PCDH15: variants seen among roughly 807,000 people sequenced by gnomAD.
PCDH15 encodes the protein protocadherin-15.
Under a neutral mutation model 178.5 loss-of-function variants are expected in PCDH15, and 129 were observed. That is an observed-to-expected ratio of 0.72 (90% CI 0.63 to 0.84). The LOEUF (loss-of-function observed/expected upper bound fraction) is 0.84. Among genes scored for constraint, PCDH15 ranks in the 40% least tolerant of loss-of-function variants. The pLI is 0.00. For missense variants in PCDH15, 2,230 were observed against 2,099.9 expected (o/e 1.06, Z -1.21); for synonymous variants, 800 against 732.0 (o/e 1.09, Z -1.50).
At chr10:54,173,222 A>G in intron 13 of PCDH15, among the ~76,000 whole-genome samples, 1 of 152,146 alleles carries the variant, frequency 6.6e-6, no homozygotes, top group East Asian at 1.9e-4. Flanking sequence ...ACCAAAATAT[A>G]ATTTGCCTTT....
At chr10:54,027,538 C>G (rs1191842915) in intron 18 of PCDH15, among the ~76,000 whole-genome samples, 2 of 150,284 alleles carry the variant, frequency 1.3e-5, no homozygotes, top group Non-Finnish European at 2.9e-5. Flanking sequence ...TGACTTCAAA[C>G]TATACTACAA....
chr10:55,475,824 G>A (rs1321394354), intron 2 of PCDH15, among the ~76,000 whole-genome samples: 1 of 152,024 alleles, frequency 6.6e-6, no homozygotes, highest in Non-Finnish European at 1.5e-5. Flanking sequence ...AAATAATATG[G>A]TCCCAAACAA....
chr10:54,409,404 T>C (rs1487884732), intron 3 of PCDH15, among the ~76,000 whole-genome samples: 1 of 152,064 alleles, frequency 6.6e-6, no homozygotes, highest in Non-Finnish European at 1.5e-5. Context: ...GAAGCTAGGG[T>C]ATATTGTTTT....
At chr10:54,648,010 CA>C (rs2094169777) in intron 2 of PCDH15, among the ~76,000 whole-genome samples, 1 of 152,130 alleles carries the variant, frequency 6.6e-6, no homozygotes, top group Non-Finnish European at 1.5e-5. Context: ...GAGCCCTCTC[CA>C]AACTCAGTTT....
chr10:54,494,906 T>C lies in PCDH15; in HGVS notation c.157+32906A>G, dbSNP rs368133111. On this transcript the variant is annotated intron_variant, in intron 3 of 37. Coordinates refer to ENST00000644397, the MANE Select transcript of PCDH15 (RefSeq NM_001384140.1). ...CATTGCTCAATTCTGGAGGCCCTAC[T>C]TTATGCAGCCCTACAGTTGTCTAAC... is the stretch of plus-strand genomic sequence containing the variant. Among the ~76,000 whole-genome samples the C allele has an allele frequency of 1.1e-4, 16 of 152,256 alleles. No individual in the cohort carries two copies. In the East Asian group the frequency reaches 2.5e-3, roughly 24 times the overall value.
chr10:53,876,432 C>A (rs1360311820), intron 26 of PCDH15, among the ~76,000 whole-genome samples: 2 of 151,980 alleles, frequency 1.3e-5, no homozygotes, highest in Non-Finnish European at 2.9e-5. Flanking sequence ...GTGATCCACC[C>A]GGCTCGGCCT....
intron 20 of PCDH15, among the ~76,000 whole-genome samples, chr10:54,000,076 C>T (rs2134987002): frequency 6.6e-6 from 1 of 152,298 alleles, no homozygotes; most frequent in Admixed American, 6.5e-5. Flanking sequence ...TCTTCTGGAT[C>T]TTATCCAAGA....
At chr10:54,531,884 T>C (rs1319612059) in intron 2 of PCDH15, among the ~76,000 whole-genome samples, 1 of 152,122 alleles carries the variant, frequency 6.6e-6, no homozygotes, top group African/African-American at 2.4e-5. Flanking sequence ...ACTGGATATT[T>C]TCAATATATA....
intron 1 of PCDH15, among the ~76,000 whole-genome samples, chr10:55,246,249 T>C (rs1260388013): frequency 6.6e-6 from 1 of 152,204 alleles, no homozygotes; most frequent in Non-Finnish European, 1.5e-5. Context: ...GTAGTTTCTT[T>C]TCTCATCTAG....
intron 1 of PCDH15, among the ~76,000 whole-genome samples, chr10:55,310,195 T>A (rs1349700010): frequency 6.6e-6 from 1 of 152,186 alleles, no homozygotes. Context: ...CCTTTATTTA[T>A]TTCTTATAAG....
intron 2 of PCDH15, among the ~76,000 whole-genome samples, chr10:55,611,266 T>C (rs989458912): frequency 2.0e-5 from 3 of 152,032 alleles, no homozygotes; most frequent in African/African-American, 7.2e-5. Flanking sequence ...ATCATAGGTC[T>C]GATAAAGAGT....
intron 3 of PCDH15, among the ~76,000 whole-genome samples, chr10:54,441,671 T>A (rs1297381632): frequency 6.6e-6 from 1 of 151,926 alleles, no homozygotes; most frequent in Non-Finnish European, 1.5e-5. Context: ...AAATCAGAAT[T>A]GTTAATGATA....
At chr10:54,109,042 T>C (rs1246410134) in intron 15 of PCDH15, among the ~76,000 whole-genome samples, 1 of 152,164 alleles carries the variant, frequency 6.6e-6, no homozygotes, top group African/African-American at 2.4e-5. Flanking sequence ...GTGAGATTTA[T>C]GAGACTTGCT....
chr10:55,564,989 A>T (rs1589141847), intron 2 of PCDH15, among the ~76,000 whole-genome samples: 1 of 151,838 alleles, frequency 6.6e-6, no homozygotes, highest in East Asian at 1.9e-4. Context: ...CTTAAAAAAC[A>T]CAATAAACCA....
At chr10:54,810,365 A>G (rs1322622544) in intron 3 of PCDH15, among the ~76,000 whole-genome samples, 4 of 152,112 alleles carry the variant, frequency 2.6e-5, no homozygotes, top group African/African-American at 9.7e-5. Flanking sequence ...TCCTTATTAC[A>G]GGAGTAGGAT....
intron 3 of PCDH15, among the ~76,000 whole-genome samples, chr10:54,875,651 G>A (rs1287897783): frequency 6.6e-6 from 1 of 152,136 alleles, no homozygotes; most frequent in African/African-American, 2.4e-5. Flanking sequence ...AGATCTGGAT[G>A]GAAGATCAAA....
intron 25 of PCDH15, among the ~76,000 whole-genome samples, chr10:53,903,956 A>C (rs2082499264): frequency 6.6e-6 from 1 of 152,156 alleles, no homozygotes; most frequent in Non-Finnish European, 1.5e-5. Flanking sequence ...CATTCATTGA[A>C]AACAATGGAG....
In PCDH15 at chr10:54,514,022, C is replaced by A. The variant is rs146388420; in HGVS notation, c.157+13790G>T. 5.1e-3 allele frequency among the ~76,000 whole-genome samples: 770 copies of A among 152,280 alleles called. 7 individuals are homozygous for A. Among genetic ancestry groups the A allele is most frequent in the African/African-American group, 0.018 (748 of 41,568 alleles). On this transcript the variant is annotated intron_variant, in intron 3 of 37. Transcript: ENST00000644397. ...GCATGGCTTCGTATTCACAGGCTTA[C>A]AAAATTCTGTCTTTTTATATAGGGA...
intron 1 of PCDH15, among the ~76,000 whole-genome samples, chr10:55,282,756 C>T (rs980655279): frequency 6.6e-6 from 1 of 152,104 alleles, no homozygotes; most frequent in Non-Finnish European, 1.5e-5. Flanking sequence ...TGTTTAGAAA[C>T]ATTTCAGTAA....
Sources: allele counts gnomAD v4.1 joint callset (sites outside exome capture counted in the v4.1 genomes callset), GRCh38; gene constraint gnomAD v4.1.1; transcripts MANE v1.5; gene names NCBI Gene and HGNC (gene_info 2026-07-23, HGNC 2026-07-21).